Variants in ZWILCH observed in about 807,000 individuals in gnomAD.
ZWILCH encodes the protein protein zwilch homolog.
In ZWILCH, 74 loss-of-function variants were observed where a neutral mutation model predicts 79.9. That is an observed-to-expected ratio of 0.93 (90% CI 0.77 to 1.12). ZWILCH has a LOEUF of 1.12. ZWILCH is among the 50% of genes most tolerant of loss of function. The pLI, the probability that ZWILCH is intolerant of heterozygous loss-of-function variation, is 0.00. For synonymous variants in ZWILCH, 241 were observed against 228.2 expected, an observed-to-expected ratio of 1.06 and a Z score of -0.51; for missense variants, 694 against 687.5, an observed-to-expected ratio of 1.01 and a Z score of -0.11.
At chr15:66,512,830 C>G (rs903917820) in intron 2 of ZWILCH, among the ~76,000 whole-genome samples, 4 of 152,194 alleles carry the variant, frequency 2.6e-5, no homozygotes, top group Non-Finnish European at 4.4e-5. Flanking sequence ...GAGTCTTGCT[C>G]TGTTGCCCTG....
intron 16 of ZWILCH, 39 bp from the exon 17 acceptor site, chr15:66,540,059 T>C (rs775889183): frequency 3.3e-6 from 5 of 1,523,958 alleles, no homozygotes; most frequent in Admixed American, 1.8e-5. Context: ...AATGGCTGTT[T>C]TTGAAAATTT....
At chr15:66,512,174 CAG>C (rs1894092000) in intron 2 of ZWILCH, among the ~76,000 whole-genome samples, 1 of 152,078 alleles carries the variant, frequency 6.6e-6, no homozygotes, top group Non-Finnish European at 1.5e-5. Flanking sequence ...TTGAATGACA[CAG>C]ACATTCATGA....
intron 17 of ZWILCH, among the ~76,000 whole-genome samples, chr15:66,543,116 T>C (rs1317703336): frequency 6.6e-6 from 1 of 152,176 alleles, no homozygotes; most frequent in African/African-American, 2.4e-5. Context: ...GGAGAATTGC[T>C]AGACTTTGGG....
At chr15:66,512,151 C>G (rs1203657589) in intron 2 of ZWILCH, among the ~76,000 whole-genome samples, 6 of 152,172 alleles carry the variant, frequency 3.9e-5, no homozygotes, top group Non-Finnish European at 8.8e-5. Flanking sequence ...TGGTACTAGA[C>G]TGCCAAAGAA....
At chr15:66,525,176 T>C (rs377692853) in intron 8 of ZWILCH, among the ~76,000 whole-genome samples, 3 of 152,238 alleles carry the variant, frequency 2.0e-5, no homozygotes, top group East Asian at 3.8e-4. Context: ...TATTTCACTT[T>C]AGTAAGAACT....
In ZWILCH at chr15:66,540,169, G is replaced by C. The variant is rs761976244; in HGVS notation, c.1646G>C (p.Ser549Thr). ...AAGATTAAGACAGTTTGGCAACTGA[G>C]TGACAGCTCACCCATAGACCATCTG... The part of the protein sequence containing the change: ...QKKIKTVWQL[S>T]DSSPIDHLNF... The change falls in exon 17 of 19, where the codon AGT becomes ACT. Residue 549 changes from serine to threonine, a missense_variant. Physicochemically the swap from Ser to Thr is moderately conservative, Grantham distance 58. Transcript: ENST00000307897. 1 of 1,613,786 alleles carries C rather than the reference G, an allele frequency of 6.2e-7. No individual in the cohort carries two copies. The highest frequency in any genetic ancestry group is 8.5e-7 in the Non-Finnish European group (1 of 1,179,776).
chr15:66,528,006 T>C lies in ZWILCH; in HGVS notation c.969+94T>C, dbSNP rs938996295. On this transcript the variant is annotated intron_variant, in intron 10 of 18. Coordinates refer to ENST00000307897, the MANE Select transcript of ZWILCH (RefSeq NM_017975.5). ...TTCATGTTGTACCATCGCAAATGGATTTGGGATATCAAGGCAGCATTTAAG... is the reference window on the plus strand; with the variant it reads ...TTCATGTTGTACCATCGCAAATGGACTTGGGATATCAAGGCAGCATTTAAG... 19 of 1,025,498 alleles carry C rather than the reference T, an allele frequency of 1.9e-5. No homozygotes were observed. In the South Asian group the frequency reaches 3.4e-4, roughly 18 times the overall value. The allele number at this position is 1,025,498 out of a possible 1,614,324, so 63.5% of individuals were successfully genotyped here.
At chr15:66,516,497 GT>G (rs914660231) in intron 4 of ZWILCH, among the ~76,000 whole-genome samples, 9 of 149,600 alleles carry the variant, frequency 6.0e-5, no homozygotes, top group African/African-American at 1.7e-4. Flanking sequence ...CTCTATAGAA[GT>G]TTTTTTTTTC....
At chr15:66,530,615 C>T (rs1217840818) in intron 12 of ZWILCH, among the ~76,000 whole-genome samples, 5 of 152,144 alleles carry the variant, frequency 3.3e-5, no homozygotes, top group African/African-American at 1.2e-4. Context: ...CCAGCCTGGG[C>T]AACAGAGTAA....
chr15:66,534,182 C>T (rs1218256609), intron 14 of ZWILCH, among the ~76,000 whole-genome samples: 1 of 151,944 alleles, frequency 6.6e-6, no homozygotes, highest in African/African-American at 2.4e-5. Flanking sequence ...TCATTATTCT[C>T]TTTTTTTTCT....
In ZWILCH at chr15:66,550,011, A is replaced by AATT. The variant is rs760694545; in HGVS notation, c.*1688_*1689insTTA. 4 of 1,473,434 alleles carry AATT rather than the reference A, an allele frequency of 2.7e-6. No homozygotes were observed. In the African/African-American group the frequency reaches 5.7e-5, roughly 21 times the overall value. The allele number at this position is 1,473,434 out of a possible 1,614,324, so 91.3% of individuals were successfully genotyped here. ...TGTATAATTATTTAGTTTAATTATT[A>AATT]AAGGAAAACATTGAAATATACTGAC... is the stretch of plus-strand genomic sequence containing the variant. On this transcript the variant is annotated 3_prime_UTR_variant, in exon 19 of 19. Coordinates refer to ENST00000307897, the MANE Select transcript of ZWILCH (RefSeq NM_017975.5).
In ZWILCH at chr15:66,549,282, C is replaced by T. The variant is rs1895503063; in HGVS notation, c.*958C>T. ...GTTTATTTTAGTTTAATGGAATATA[C>T]ATTCTTAGTATTGCCTGATTATTTA... On this transcript the variant is annotated 3_prime_UTR_variant, in exon 19 of 19. Coordinates refer to ENST00000307897, the MANE Select transcript of ZWILCH (RefSeq NM_017975.5). The T allele has an allele frequency of 6.6e-6, 1 of 152,050 alleles. No homozygotes were observed. Among genetic ancestry groups the T allele is most frequent in the South Asian group, 2.1e-4 (1 of 4,830 alleles). 9.4% of individuals were successfully genotyped at this position (152,050 alleles called of 1,614,324 possible). A position where few individuals can be genotyped will look rare whatever the true frequency, so the allele number is the denominator to read the frequency against.
intron 18 of ZWILCH, chr15:66,547,264 C>G (rs1895411182): frequency 1.5e-5 from 2 of 130,352 alleles, no homozygotes; most frequent in Admixed American, 1.9e-4. Context: ...GTGGCGCTAT[C>G]TCGGCTCACT....
chr15:66,530,934 A>G (rs533648736), intron 12 of ZWILCH, among the ~76,000 whole-genome samples: 102 of 152,204 alleles, frequency 6.7e-4, no homozygotes, highest in Non-Finnish European at 1.2e-3. Context: ...TTCTGTGTTC[A>G]TGAGATGTTT....
At position 66,532,259 on chromosome 15, in the gene ZWILCH, A is replaced by G. The variant is rs1378286043; in HGVS notation, c.1168A>G (p.Ser390Gly). ...TCCTGATTTCTAGCTCCATAGTGGA[A>G]GTAACAGTTTACTAAGTAAGCTCAT... is the stretch of plus-strand genomic sequence containing the variant. ...GDIQPWLHSG[S>G]NSLLSKLIHQ... Residue 390 changes from serine (S) to glycine (G), a missense_variant, in exon 13 of 19, where the codon AGT (serine) becomes GGT (glycine). By Grantham distance (56) the Ser-to-Gly change is moderately conservative. Transcript: ENST00000307897. 1.3e-6 allele frequency: 2 copies of G among 1,593,252 alleles called. No individual in the cohort carries two copies. The highest frequency in any genetic ancestry group is 1.8e-5 in the Admixed American group (1 of 55,678).
chr15:66,532,935 A>G, intron 13 of ZWILCH, 50 bp from the exon 14 acceptor site: 2 of 1,300,714 alleles, frequency 1.5e-6, no homozygotes, highest in South Asian at 3.4e-5. Flanking sequence ...ATTAATATGT[A>G]ATAGAAAATA....
Position 66,548,423 on chromosome 15 carries a change from T to G in ZWILCH, c.*99T>G. The G allele has an allele frequency of 1.2e-6, 1 of 802,844 alleles. No individual in the cohort carries two copies. Among genetic ancestry groups the G allele is most frequent in the Non-Finnish European group, 2.0e-6 (1 of 490,326 alleles). 49.7% of individuals were successfully genotyped at this position (802,844 alleles called of 1,614,324 possible). On this transcript the variant is annotated 3_prime_UTR_variant, in exon 19 of 19. Transcript: ENST00000307897. ...TGAAAACAGCAATGTATGGAAACCC[T>G]CAAAGCAGAAAAGGGAGGAAGATCC...
chr15:66,509,506 A>G (rs1475438332), intron 2 of ZWILCH, among the ~76,000 whole-genome samples: 1 of 152,118 alleles, frequency 6.6e-6, no homozygotes, highest in African/African-American at 2.4e-5. Context: ...TCAACAATTC[A>G]TTCTATTTCT....
intron 8 of ZWILCH, 102 bp from the exon 9 acceptor site, chr15:66,527,169 CCTGGGATGTGATAAACACT>C: frequency 1.4e-6 from 1 of 703,962 alleles, no homozygotes; most frequent in Middle Eastern, 2.5e-4. Context: ...CACAGCAGTA[CCTGGGATGTGATAAACACT>C]CAAGAAATGT....
Sources: allele counts gnomAD v4.1 joint callset (sites outside exome capture counted in the v4.1 genomes callset), GRCh38; gene constraint gnomAD v4.1.1; transcripts MANE v1.5; gene names NCBI Gene and HGNC (gene_info 2026-07-23, HGNC 2026-07-21).